PUF60: variants seen among roughly 807,000 people sequenced by gnomAD.
PUF60 encodes poly(U)-binding-splicing factor PUF60.
A neutral mutation model predicts 61.8 loss-of-function variants in PUF60; 10 were observed. The ratio of observed to expected loss-of-function variants is 0.16; its 90% CI spans 0.10 to 0.27. The LOEUF (loss-of-function observed/expected upper bound fraction) is 0.27, where lower values mean the gene tolerates loss of function less well. PUF60 is among the 10% of genes least tolerant of loss of function. The pLI is 1.00. For missense variants in PUF60, 371 were observed against 754.0 expected (o/e 0.49, Z 5.95); for synonymous variants, 353 against 300.9 (o/e 1.17, Z -1.79).
chr8:143,825,533 T>G (rs1026699953), intron 1 of PUF60, among the ~76,000 whole-genome samples: 1 of 152,302 alleles, frequency 6.6e-6, no homozygotes. Context: ...TGCCTCTTTT[T>G]TTTTTTTGAG....
At position 143,818,597 on chromosome 8, in the gene PUF60, C is replaced by T; in HGVS notation, c.349-63G>A. ...CAGGGGCGGCAGGAAGCTGGGCAGC[C>T]CACTCCCCTCCTGGCCCACCCACCC... On this transcript the variant is annotated intron_variant, in intron 5 of 11. Transcript: ENST00000526683. The surrounding 1 kb of genome is among the most constrained non-coding windows in gnomAD (Gnocchi z 7.9). 6.8e-7 allele frequency: 1 copy of T among 1,480,972 alleles called. No individual in the cohort carries two copies. Among genetic ancestry groups the T allele is most frequent in the East Asian group, 2.5e-5 (1 of 40,328 alleles). The allele number at this position is 1,480,972 out of a possible 1,614,324, so 91.7% of individuals were successfully genotyped here.
intron 2 of PUF60, chr8:143,822,870 G>C (rs1817183373): frequency 6.3e-6 from 2 of 316,942 alleles, no homozygotes; most frequent in South Asian, 5.2e-5. Flanking sequence ...CCACCAACCG[G>C]GCCCTCCGAG....
chr8:143,824,662 G>C (rs780131676), intron 1 of PUF60: 224 of 534,362 alleles, frequency 4.2e-4, no homozygotes, highest in Non-Finnish European at 5.4e-4. Flanking sequence ...GGAGGGTAGA[G>C]AGAGCTGTGC....
At position 143,818,180 on chromosome 8, in the gene PUF60, C is replaced by T. The variant is rs1421715742; in HGVS notation, c.603+13G>A. The T allele has an allele frequency of 3.1e-6, 5 of 1,607,784 alleles. No homozygotes were observed. Among genetic ancestry groups the T allele is most frequent in the Non-Finnish European group, 4.2e-6 (5 of 1,177,856 alleles). ...CACGCCTGCGGGATCGAGGCCTTGG[C>T]TCCCTGCCTCACCTTGATGTTCCTG... On this transcript the variant is annotated intron_variant, in intron 7 of 11. Transcript: ENST00000526683. The surrounding 1 kb of genome is among the most constrained non-coding windows in gnomAD (Gnocchi z 7.9).
rs762429512 is a variant in PUF60, at chr8:143,818,086, G to A, written c.604-11C>T. On this transcript the variant is annotated splice_polypyrimidine_tract_variant and intron_variant, in intron 7 of 11. Transcript: ENST00000526683. This position sits in a 1 kb window ranked among gnomAD's most constrained non-coding sequence, Gnocchi z 7.9. ...GCTGGGTCTGCCCACCTGGGGAAGA[G>A]GCGGTGAGATGGAAAGACCGGTCAA... 2 of 1,610,920 alleles carry A rather than the reference G, an allele frequency of 1.2e-6. No homozygotes were observed. Among genetic ancestry groups the A allele is most frequent in the East Asian group, 2.2e-5 (1 of 44,852 alleles).
intron 5 of PUF60, among the ~76,000 whole-genome samples, chr8:143,819,814 T>C (rs114142714): frequency 7.8e-4 from 119 of 151,976 alleles, no homozygotes; most frequent in African/African-American, 2.8e-3. Flanking sequence ...GACAGGGCCA[T>C]GTCTCCTTTT....
At chr8:143,827,184 G>T (rs1421865681) in intron 1 of PUF60, 1 of 336,768 alleles carries the variant, frequency 3.0e-6, no homozygotes, top group East Asian at 9.1e-5. Flanking sequence ...AGAAAGCACA[G>T]GATAAGAAAG....
At chr8:143,821,262 C>A in intron 4 of PUF60, 1 of 506,796 alleles carries the variant, frequency 2.0e-6, no homozygotes, top group Middle Eastern at 5.3e-4. Context: ...GCCCTGCATG[C>A]TGCCACCATC....
chr8:143,818,624 G>A lies in PUF60; in HGVS notation c.349-90C>T. Reference sequence around the variant, plus strand: ...ACTCCCCTCCTGGCCCACCCACCCAGCCCTGCTGTGGGGAGGGCTCCCCAC... The same window carrying A: ...ACTCCCCTCCTGGCCCACCCACCCAACCCTGCTGTGGGGAGGGCTCCCCAC... On this transcript the variant is annotated intron_variant, in intron 5 of 11. Coordinates refer to ENST00000526683, the MANE Select transcript of PUF60 (RefSeq NM_078480.3). This position sits in a 1 kb window ranked among gnomAD's most constrained non-coding sequence, Gnocchi z 7.9. The A allele has an allele frequency of 3.6e-6, 5 of 1,377,186 alleles. No homozygotes were observed. The South Asian group carries it at 5.6e-5, about 15-fold the overall frequency. 85.3% of individuals were successfully genotyped at this position (1,377,186 alleles called of 1,614,324 possible). A position where few individuals can be genotyped will look rare whatever the true frequency, so the allele number is the denominator to read the frequency against.
Position 143,816,394 on chromosome 8 carries a change from C to T in PUF60, c.*126G>A, listed in dbSNP as rs1163121966. The T allele has an allele frequency of 5.5e-6, 6 of 1,096,886 alleles. No homozygotes were observed. The highest frequency in any genetic ancestry group is 7.6e-6 in the Non-Finnish European group (6 of 785,510). The allele number at this position is 1,096,886 out of a possible 1,614,324, so 67.9% of individuals were successfully genotyped here. Reference sequence around the variant, plus strand: ...CACGGACGTTCAGGGCCAGCAGCATCCGCACCTTTATCCGCACTGTAGGCT... The same window carrying T: ...CACGGACGTTCAGGGCCAGCAGCATTCGCACCTTTATCCGCACTGTAGGCT... On this transcript the variant is annotated 3_prime_UTR_variant, in exon 12 of 12. Transcript: ENST00000526683.
intron 4 of PUF60, 146 bp downstream of exon 4, chr8:143,821,451 C>T (rs1817009573): frequency 9.0e-6 from 7 of 776,464 alleles, no homozygotes; most frequent in Admixed American, 6.6e-5. Context: ...GAGAGGACCC[C>T]GGGGGTCCCG....
chr8:143,829,106 C>G (rs1343240221), intron 1 of PUF60, 174 bp downstream of exon 1: 11 of 1,142,396 alleles, frequency 9.6e-6, no homozygotes, highest in Non-Finnish European at 1.2e-5. Context: ...CGCGAGCCGG[C>G]CGCCGGCGCG....
At position 143,824,263 on chromosome 8, in the gene PUF60, C is replaced by T. The variant is rs1275773388; in HGVS notation, c.111+50G>A. On this transcript the variant is annotated intron_variant, in intron 2 of 11. Transcript: ENST00000526683. ...AGGGACGCACAGGCAGGCGGGCGGG[C>T]GGGCGGGCAGGCGGGCGGGCCTGAG... The T allele has an allele frequency of 1.2e-4, 173 of 1,461,080 alleles. 1 individual carries two copies. In the East Asian group the frequency reaches 3.9e-3, roughly 33 times the overall value. 90.5% of individuals were successfully genotyped at this position (1,461,080 alleles called of 1,614,324 possible).
At chr8:143,824,170 T>C in intron 2 of PUF60, 143 bp downstream of exon 2, 1 of 799,430 alleles carries the variant, frequency 1.3e-6, no homozygotes, top group Admixed American at 2.8e-5. Flanking sequence ...GGCAGTTGTC[T>C]GCCCAGAGGC....
chr8:143,819,609 C>A (rs1816784433), intron 5 of PUF60, among the ~76,000 whole-genome samples: 1 of 152,192 alleles, frequency 6.6e-6, no homozygotes, highest in African/African-American at 2.4e-5. Context: ...AGGGACTTCC[C>A]AAGGTGAGAT....
chr8:143,824,265 G>A (rs753976899), intron 2 of PUF60, 48 bp downstream of exon 2: 2 of 1,466,132 alleles, frequency 1.4e-6, no homozygotes, highest in South Asian at 1.3e-5. Context: ...CGGGCGGGCG[G>A]GCGGGCAGGC....
chr8:143,825,154 G>A (rs1172239750), intron 1 of PUF60: 1 of 152,350 alleles, frequency 6.6e-6, no homozygotes, highest in African/African-American at 2.4e-5. Context: ...TACCTTCTCA[G>A]AGGCTGCACA....
chr8:143,820,510 A>T, intron 5 of PUF60, 156 bp downstream of exon 5: 2 of 842,322 alleles, frequency 2.4e-6, no homozygotes, highest in Non-Finnish European at 3.9e-6. Context: ...TGCCCACACC[A>T]CTGGCCCCAC....
Position 143,828,946 on chromosome 8 carries a change from G to T in PUF60, c.24+334C>A. ...CGTCGTGACCACGGCGCACACCCCC[G>T]TCGGCAAAGGGAGGACGACGACCCC... On this transcript the variant is annotated intron_variant, in intron 1 of 11. Coordinates refer to ENST00000526683, the MANE Select transcript of PUF60 (RefSeq NM_078480.3). The T allele has an allele frequency of 3.0e-6, 3 of 987,834 alleles. No homozygotes were observed. In the South Asian group the frequency reaches 1.4e-4, roughly 46 times the overall value. 61.2% of individuals were successfully genotyped at this position (987,834 alleles called of 1,614,324 possible).
Sources: allele counts gnomAD v4.1 joint callset (sites outside exome capture counted in the v4.1 genomes callset), GRCh38; gene constraint gnomAD v4.1.1; non-coding constraint Gnocchi (gnomAD v3.1); transcripts MANE v1.5; gene names NCBI Gene and HGNC (gene_info 2026-07-23, HGNC 2026-07-21).